WDR3: variants seen among roughly 807,000 people sequenced by gnomAD.
WDR3 encodes WD repeat domain 3.
A neutral mutation model predicts 123.7 loss-of-function variants in WDR3; 81 were observed. The observed-to-expected ratio is 0.65, with a 90% CI of 0.55 to 0.79. WDR3 has a LOEUF of 0.79. Ranked by LOEUF, WDR3 falls within the 30% of genes least tolerant of loss-of-function variation. WDR3 has a pLI of 0.00. For synonymous variants in WDR3, 390 were observed against 388.8 expected (o/e 1.00, Z -0.04); for missense variants, 1,027 against 1,123.2 (o/e 0.91, Z 1.22).
At chr1:117,935,716 T>A (rs1054990599) in intron 3 of WDR3, among the ~76,000 whole-genome samples, 6 of 151,794 alleles carry the variant, frequency 4.0e-5, no homozygotes, top group African/African-American at 1.5e-4. Context: ...AACTAGAAAA[T>A]ATGTAAGTAA....
At chr1:117,936,102 G>A (rs1335195423) in intron 3 of WDR3, among the ~76,000 whole-genome samples, 2 of 151,932 alleles carry the variant, frequency 1.3e-5, no homozygotes, top group Non-Finnish European at 1.5e-5. Context: ...TATGATATTT[G>A]TAGTAGTTTT....
intron 25 of WDR3, among the ~76,000 whole-genome samples, chr1:117,958,345 A>AT (rs1367615278): frequency 2.0e-5 from 3 of 151,682 alleles, no homozygotes; most frequent in African/African-American, 4.8e-5. Context: ...GTTACTAACA[A>AT]TTTTTTTTTA....
chr1:117,948,591 G>GTTTTT, intron 13 of WDR3, 85 bp downstream of exon 13: 1 of 806,682 alleles, frequency 1.2e-6, no homozygotes. Flanking sequence ...GAAAGCCTGA[G>GTTTTT]GTTTTTTTTT....
chr1:117,939,366 C>T, intron 5 of WDR3, 111 bp from the exon 6 acceptor site: 1 of 1,137,508 alleles, frequency 8.8e-7, no homozygotes, highest in Non-Finnish European at 1.3e-6. Flanking sequence ...TTTTCTTTGC[C>T]TTTAAATTGC....
At chr1:117,930,846 C>A (rs1261920785) in intron 1 of WDR3, among the ~76,000 whole-genome samples, 1 of 152,198 alleles carries the variant, frequency 6.6e-6, no homozygotes, top group Non-Finnish European at 1.5e-5. Context: ...CAATTAGCTG[C>A]TAAATGACTT....
At position 117,943,565 on chromosome 1, in the gene WDR3, T is replaced by C. The variant is rs1478618423; in HGVS notation, c.1267T>C (p.Phe423Leu). The change falls in exon 11 of 27, where the codon TTC (phenylalanine) becomes CTC (leucine). Residue 423 changes from phenylalanine (F) to leucine (L), a missense_variant. By Grantham distance (22) the Phe-to-Leu change is conservative. Transcript: ENST00000349139. ...GHRSDVRTLS[F>L]SSDNIAVLSA... ...TCGCAGTGATGTGCGGACTTTGTCA[T>C]TCAGCTCAGACAATATTGCTGTTCT... 2 of 1,614,114 alleles carry C rather than the reference T, an allele frequency of 1.2e-6. No individual in the cohort carries two copies. Among genetic ancestry groups the C allele is most frequent in the Admixed American group, 3.3e-5 (2 of 60,008 alleles).
intron 25 of WDR3, among the ~76,000 whole-genome samples, chr1:117,958,450 T>C (rs1652539592): frequency 6.6e-6 from 1 of 152,250 alleles, no homozygotes; most frequent in Admixed American, 6.5e-5. Context: ...GGATGGGTAC[T>C]ACCTGACAGG....
Position 117,941,887 on chromosome 1 carries a change from T to A in WDR3, c.989+40T>A, listed in dbSNP as rs200344092. 1.6e-4 allele frequency: 248 copies of A among 1,552,030 alleles called. No homozygotes were observed. In the African/African-American group the frequency reaches 3.3e-3, roughly 21 times the overall value. On this transcript the variant is annotated intron_variant, in intron 9 of 26. Transcript: ENST00000349139. ...TACTTACATTAATAATGAAGTATCC[T>A]GGGTAGGCCCCATGTTACTGAAAAA...
Position 117,951,505 on chromosome 1 carries a change from TTTC to T in WDR3, c.1804-468_1804-466del, listed in dbSNP as rs1651607693. ...AAGTTAAGTTACAATGTTAAATGTATTTCTTTTTTTTTTTTTTTTTATGTTGAC... is the reference window on the plus strand; with the variant it reads ...AAGTTAAGTTACAATGTTAAATGTATTTTTTTTTTTTTTTTTTATGTTGAC... On this transcript the variant is annotated intron_variant, in intron 16 of 26. Transcript: ENST00000349139. 1.2e-4 allele frequency among the ~76,000 whole-genome samples: 5 copies of T among 43,174 alleles called. No individual in the cohort carries two copies. The South Asian group carries it at 6.1e-3, about 53-fold the overall frequency. 28.3% of individuals were successfully genotyped at this position (43,174 alleles called of 152,430 possible).
chr1:117,930,107 G>A (rs368907246), intron 1 of WDR3, among the ~76,000 whole-genome samples: 1 of 152,206 alleles, frequency 6.6e-6, no homozygotes, highest in South Asian at 2.1e-4. Flanking sequence ...GTTTAGGAAT[G>A]TGTGGCAGGT....
At position 117,936,902 on chromosome 1, in the gene WDR3, G is replaced by A. The variant is rs771370180; in HGVS notation, c.500+15G>A. The A allele has an allele frequency of 2.5e-6, 4 of 1,594,536 alleles. No individual in the cohort carries two copies. The South Asian group carries it at 4.5e-5, about 18-fold the overall frequency. On this transcript the variant is annotated intron_variant, in intron 4 of 26. Coordinates refer to ENST00000349139, the MANE Select transcript of WDR3 (RefSeq NM_006784.3). ...CTAGTTACTAGGTAAAGAAATAATG[G>A]TTTAATTTCCAGTTATTTTCTAGGA... is the stretch of plus-strand genomic sequence containing the variant.
Position 117,949,980 on chromosome 1 carries a change from T to G in WDR3, c.1611-15T>G. 1 of 1,613,646 alleles carries G rather than the reference T, an allele frequency of 6.2e-7. No homozygotes were observed. Among genetic ancestry groups the G allele is most frequent in the Non-Finnish European group, 8.5e-7 (1 of 1,179,834 alleles). On this transcript the variant is annotated splice_polypyrimidine_tract_variant and intron_variant, in intron 14 of 26. Transcript: ENST00000349139. ...ATACTCATTTATTTTTTCTTGATGTTTTTTGTGGTGCTAGACTTTCTGTGA... is the reference window on the plus strand; with the variant it reads ...ATACTCATTTATTTTTTCTTGATGTGTTTTGTGGTGCTAGACTTTCTGTGA...
In WDR3 at chr1:117,959,353, G is replaced by A. The variant is rs137952009; in HGVS notation, c.2738G>A (p.Ser913Asn). 459 of 1,613,816 alleles carry A rather than the reference G, an allele frequency of 2.8e-4. No homozygotes were observed. Among genetic ancestry groups the A allele is most frequent in the Non-Finnish European group, 3.7e-4 (432 of 1,179,920 alleles). ...CTCAAGAGGGAATGCGAGGCAAAAA[G>A]TGAAGTTATGTTTTTTGCTGATGCT... ...DYLKRECEAKSEVMFFADATS... is the reference protein window; with the variant it reads ...DYLKRECEAKNEVMFFADATS... Residue 913 changes from serine to asparagine, a missense_variant, in exon 27 of 27, where the codon AGT (serine) becomes AAT (asparagine). Physicochemically the swap from Ser to Asn is conservative, Grantham distance 46 (BLOSUM62 1). Transcript: ENST00000349139.
chr1:117,948,325 CTT>C (rs1651480538), intron 12 of WDR3, 78 bp from the exon 13 acceptor site: 1 of 1,252,968 alleles, frequency 8.0e-7, no homozygotes. Context: ...GTTATGAAGT[CTT>C]TTCTAAATTG....
intron 16 of WDR3, among the ~76,000 whole-genome samples, chr1:117,951,599 A>G (rs1296118612): frequency 2.0e-5 from 3 of 151,776 alleles, no homozygotes; most frequent in Non-Finnish European, 4.4e-5. Flanking sequence ...TGTGGGCTAC[A>G]TAAACATTCT....
intron 7 of WDR3, 36 bp downstream of exon 7, chr1:117,940,976 G>C (rs1323461692): frequency 6.3e-7 from 1 of 1,593,058 alleles, no homozygotes; most frequent in East Asian, 2.2e-5. Context: ...TAATTGTGTT[G>C]AATAATGGGA....
Position 117,959,021 on chromosome 1 carries a change from G to A in WDR3, c.2676+18G>A. On this transcript the variant is annotated intron_variant, in intron 26 of 26. Transcript: ENST00000349139. ...AAGTCCGGGTAAGTGTCTTTGTATA[G>A]AGATAAAATAATGAGGCAAATTCCT... 6.2e-7 allele frequency: 1 copy of A among 1,611,274 alleles called. No individual in the cohort carries two copies. The highest frequency in any genetic ancestry group is 8.5e-7 in the Non-Finnish European group (1 of 1,177,752).
intron 11 of WDR3, 30 bp from the exon 12 acceptor site, chr1:117,946,056 C>T: frequency 1.3e-6 from 2 of 1,563,320 alleles, no homozygotes; most frequent in Non-Finnish European, 1.7e-6. Context: ...ATTCTCTTAA[C>T]ATGAGTTCTT....
At position 117,959,906 on chromosome 1, in the gene WDR3, A is replaced by G. The variant is rs1447170105; in HGVS notation, c.*459A>G. On this transcript the variant is annotated 3_prime_UTR_variant, in exon 27 of 27. Transcript: ENST00000349139. ...GATTGCCCTTTGGCCATAAAAATGC[A>G]GTGTCATGGATCTTAGAGCTAAAAA... 1.3e-5 allele frequency: 2 copies of G among 152,760 alleles called. No homozygotes were observed. Among genetic ancestry groups the G allele is most frequent in the African/African-American group, 4.8e-5 (2 of 41,456 alleles). 9.5% of individuals were successfully genotyped at this position (152,760 alleles called of 1,614,324 possible).
Sources: allele counts gnomAD v4.1 joint callset (sites outside exome capture counted in the v4.1 genomes callset), GRCh38; gene constraint gnomAD v4.1.1; transcripts MANE v1.5; gene names NCBI Gene and HGNC (gene_info 2026-07-23, HGNC 2026-07-21).